The following GSE1 variants were observed in gnomAD, a reference collection of about 807,000 sequenced individuals.
GSE1 encodes genetic suppressor element 1.
GSE1 carries 32 observed loss-of-function variants against 112.6 expected under a neutral mutation model. The ratio of observed to expected loss-of-function variants is 0.28; its 90% CI spans 0.21 to 0.38. The LOEUF (loss-of-function observed/expected upper bound fraction) is 0.38. Among genes scored for constraint, GSE1 ranks in the 10% least tolerant of loss-of-function variants. The probability of loss-of-function intolerance (pLI) is 1.00; values close to 1 mark genes in which losing one functional copy is unlikely to be tolerated. For synonymous variants in GSE1, 1,115 were observed against 735.6 expected (o/e 1.52, Z -8.35); for missense variants, 2,348 against 1,699.2 (o/e 1.38, Z -6.71).
chr16:85,387,052 C>T (rs541890607), intron 2 of GSE1, among the ~76,000 whole-genome samples: 2 of 152,300 alleles, frequency 1.3e-5, no homozygotes, highest in African/African-American at 4.8e-5. Flanking sequence ...TTCTCAGAAA[C>T]CACTTGAAAG....
At chr16:85,268,458 C>G (rs1360478635) in intron 1 of GSE1, among the ~76,000 whole-genome samples, 1 of 152,170 alleles carries the variant, frequency 6.6e-6, no homozygotes, top group East Asian at 1.9e-4. Flanking sequence ...AGGTGTGGGT[C>G]CTAGTTTGCT....
chr16:85,398,842 CAT>C (rs1164534973), intron 2 of GSE1, among the ~76,000 whole-genome samples: 3 of 152,214 alleles, frequency 2.0e-5, no homozygotes, highest in East Asian at 1.9e-4. Flanking sequence ...TACACGTGCA[CAT>C]GTGTAGACAT....
At chr16:85,449,461 C>T (rs541409012) in intron 2 of GSE1, among the ~76,000 whole-genome samples, 1 of 152,372 alleles carries the variant, frequency 6.6e-6, no homozygotes, top group South Asian at 2.1e-4. Context: ...CGGCTGCGGT[C>T]GTGGCCCTGT....
At chr16:85,488,221 C>T (rs1181351971) in intron 2 of GSE1, among the ~76,000 whole-genome samples, 1 of 152,176 alleles carries the variant, frequency 6.6e-6, no homozygotes, top group Non-Finnish European at 1.5e-5. Context: ...CTTCTTGGTC[C>T]TTCCAGCTCT....
chr16:85,640,519 A>C (rs962443023), intron 2 of GSE1, among the ~76,000 whole-genome samples: 1 of 152,158 alleles, frequency 6.6e-6, no homozygotes, highest in African/African-American at 2.4e-5. Context: ...TGCAGGCAAG[A>C]GGGGAGGCAG....
intron 14 of GSE1, among the ~76,000 whole-genome samples, chr16:85,669,209 C>T (rs892261393): frequency 6.6e-6 from 1 of 152,258 alleles, no homozygotes; most frequent in Non-Finnish European, 1.5e-5. Flanking sequence ...TTGCACTCAC[C>T]ATCCTTACTG....
At chr16:85,531,505 G>C (rs1476644027) in intron 2 of GSE1, among the ~76,000 whole-genome samples, 1 of 152,174 alleles carries the variant, frequency 6.6e-6, no homozygotes, top group Non-Finnish European at 1.5e-5. Context: ...CAGCTTTCCA[G>C]GCAGGCATTC....
intron 1 of GSE1, among the ~76,000 whole-genome samples, chr16:85,559,420 G>A (rs12934208): frequency 6.6e-6 from 1 of 152,216 alleles, no homozygotes; most frequent in African/African-American, 2.4e-5. Flanking sequence ...TGTGGTTCTG[G>A]ATGAGAGGCT....
At chr16:85,461,757 G>A (rs1597823698) in intron 2 of GSE1, among the ~76,000 whole-genome samples, 1 of 152,112 alleles carries the variant, frequency 6.6e-6, no homozygotes, top group South Asian at 2.1e-4. Flanking sequence ...GAGCTGAGAG[G>A]CCTGGCCAGC....
intron 1 of GSE1, among the ~76,000 whole-genome samples, chr16:85,619,140 C>A (rs2048564194): frequency 6.6e-6 from 1 of 152,180 alleles, no homozygotes; most frequent in African/African-American, 2.4e-5. Context: ...ACCGGAGGTT[C>A]TTTTTAGGAG....
At position 85,399,178 on chromosome 16, in the gene GSE1, A is replaced by T. The variant is rs142597890; in HGVS notation, c.2464+41535A>T. 3.7e-3 allele frequency among the ~76,000 whole-genome samples: 564 copies of T among 152,162 alleles called. 1 individual carries two copies. Among genetic ancestry groups the T allele is most frequent in the Non-Finnish European group, 5.9e-3 (402 of 67,974 alleles). On this transcript the variant is annotated intron_variant, in intron 2 of 2. Coordinates refer to the GSE1 transcript ENST00000637419. ...GTATTGTGTGCATATGACCGTATAG[A>T]TGTGCACGTGTGATGTGTGTGGTGC...
chr16:85,656,399 G>A lies in GSE1; in HGVS notation c.1046G>A (p.Arg349His), dbSNP rs377678624. The stretch of plus-strand genomic sequence containing the variant: ...AGGGAGCGCGAGCGCGAGCGCGAGC[G>A]TGAGCGTGAGGCTGACCGCGAGCGG... Reference protein sequence around the residue: ...REREREREREREREADREREK... With the variant: ...REREREREREHEREADREREK... Residue 349 changes from arginine to histidine, a missense_variant, in exon 7 of 16, where the codon CGT (arginine) becomes CAT (histidine). Arg to His is a conservative substitution (Grantham distance 29, BLOSUM62 0). Transcript: ENST00000253458. 3.4e-4 allele frequency: 492 copies of A among 1,461,978 alleles called. No individual in the cohort carries two copies. The highest frequency in any genetic ancestry group is 4.4e-4 in the Non-Finnish European group (477 of 1,084,350). 90.6% of individuals were successfully genotyped at this position (1,461,978 alleles called of 1,614,324 possible). A position where few individuals can be genotyped will look rare whatever the true frequency, so the allele number is the denominator to read the frequency against.
At chr16:85,196,407 G>T (rs893826781) in intron 1 of GSE1, among the ~76,000 whole-genome samples, 3 of 152,164 alleles carry the variant, frequency 2.0e-5, no homozygotes, top group African/African-American at 4.8e-5. Flanking sequence ...AGAGGAGAGA[G>T]CAGGGAAGGG....
At chr16:85,229,542 T>C (rs2075546500) in intron 1 of GSE1, among the ~76,000 whole-genome samples, 1 of 152,202 alleles carries the variant, frequency 6.6e-6, no homozygotes, top group African/African-American at 2.4e-5. Context: ...ACTAAACGAT[T>C]TCATACTCAC....
intron 1 of GSE1, among the ~76,000 whole-genome samples, chr16:85,616,145 TCCTGCA>T (rs1416900297): frequency 1.3e-5 from 2 of 152,110 alleles, no homozygotes. Context: ...CAGACCGGGG[TCCTGCA>T]CCTCTGAGCT....
intron 2 of GSE1, among the ~76,000 whole-genome samples, chr16:85,494,502 G>A (rs1256926114): frequency 6.6e-6 from 1 of 151,002 alleles, no homozygotes; most frequent in African/African-American, 2.4e-5. Context: ...GCCCAGGCTG[G>A]AGTTCAGTGG....
rs530731316 is a variant in GSE1, at chr16:85,215,210, T to C, written c.2283+43403T>C. Among the ~76,000 whole-genome samples, 4 of 152,342 alleles carry C rather than the reference T, an allele frequency of 2.6e-5. No individual in the cohort carries two copies. The South Asian group carries it at 8.3e-4, about 32-fold the overall frequency. On this transcript the variant is annotated intron_variant, in intron 1 of 2. Coordinates refer to the GSE1 transcript ENST00000637419. ...CTCTGAAACCCTGTGATTTGGGTCA[T>C]TTAACTGCTGCAAGCCTCACTTGTG...
In GSE1 at chr16:85,666,218, C is replaced by G. The variant is rs1567760832; in HGVS notation, c.3001C>G (p.Pro1001Ala). 1 of 1,613,738 alleles carries G rather than the reference C, an allele frequency of 6.2e-7. No homozygotes were observed. Among genetic ancestry groups the G allele is most frequent in the East Asian group, 2.2e-5 (1 of 44,884 alleles). ...YIRGAAPKDIPVPLSHSTNGK... is the reference protein window; with the variant it reads ...YIRGAAPKDIAVPLSHSTNGK... The stretch of plus-strand genomic sequence containing the variant: ...CCGGGGCGCTGCACCCAAGGACATT[C>G]CTGTGCCGCTGTCCCACAGCACCAA... The change falls in exon 13 of 16, where the codon CCT becomes GCT. Residue 1001 changes from proline to alanine, a missense_variant. By Grantham distance (27) the Pro-to-Ala change is conservative. Coordinates refer to ENST00000253458, the MANE Select transcript of GSE1 (RefSeq NM_014615.5).
chr16:85,602,335 A>C (rs1052490242), intron 1 of GSE1, among the ~76,000 whole-genome samples: 9 of 152,208 alleles, frequency 5.9e-5, no homozygotes, highest in African/African-American at 1.9e-4. Flanking sequence ...GATACGGAAA[A>C]GAACTTCGAA....
Sources: allele counts gnomAD v4.1 joint callset (sites outside exome capture counted in the v4.1 genomes callset), GRCh38; gene constraint gnomAD v4.1.1; transcripts MANE v1.5; gene names NCBI Gene and HGNC (gene_info 2026-07-23, HGNC 2026-07-21).